ABHD10: variants seen among roughly 807,000 people sequenced by gnomAD.
ABHD10 encodes abhydrolase domain containing 10, depalmitoylase.
In ABHD10, 22 loss-of-function variants were observed where a neutral mutation model predicts 33.1. That is an observed-to-expected ratio of 0.66 (90% CI 0.47 to 0.95). The LOEUF (loss-of-function observed/expected upper bound fraction) is 0.95. ABHD10 is among the 40% of genes least tolerant of loss of function. ABHD10 has a pLI of 0.00. For synonymous variants in ABHD10, 146 were observed against 133.9 expected (o/e 1.09, Z -0.62); for missense variants, 352 against 379.9 (o/e 0.93, Z 0.61).
At chr3:111,985,332 T>C (rs1331691032) in intron 2 of ABHD10, among the ~76,000 whole-genome samples, 1 of 152,104 alleles carries the variant, frequency 6.6e-6, no homozygotes. Flanking sequence ...AATTCATAGA[T>C]CAGACAGATA....
intron 4 of ABHD10, 80 bp downstream of exon 4, chr3:111,987,131 G>C (rs1288450957): frequency 6.6e-7 from 1 of 1,517,500 alleles, no homozygotes; most frequent in East Asian, 2.3e-5. Flanking sequence ...TGAGGGAAGG[G>C]GGGACAGAAA....
At position 111,982,391 on chromosome 3, in the gene ABHD10, T is replaced by C. The variant is rs530833423; in HGVS notation, c.326+424T>C. 8.0e-4 allele frequency: 122 copies of C among 152,932 alleles called. 2 individuals carry two copies. The Middle Eastern group carries it at 0.01, about 13-fold the overall frequency. 9.5% of individuals were successfully genotyped at this position (152,932 alleles called of 1,614,324 possible). ...ATGCAAATTTCTGCTGAGTTTTCTCTTCCCTCTCCTGTAATCTGAATATGT... is the reference window on the plus strand; with the variant it reads ...ATGCAAATTTCTGCTGAGTTTTCTCCTCCCTCTCCTGTAATCTGAATATGT... On this transcript the variant is annotated intron_variant, in intron 2 of 4. Coordinates refer to ENST00000273359, the MANE Select transcript of ABHD10 (RefSeq NM_018394.4).
In ABHD10 at chr3:111,991,744, T is replaced by A; in HGVS notation, c.*23T>A. The A allele has an allele frequency of 1.3e-6, 2 of 1,544,228 alleles. No homozygotes were observed. The highest frequency in any genetic ancestry group is 8.9e-7 in the Non-Finnish European group (1 of 1,125,162). On this transcript the variant is annotated 3_prime_UTR_variant, in exon 5 of 5. Coordinates refer to ENST00000273359, the MANE Select transcript of ABHD10 (RefSeq NM_018394.4). ...TAGTATCACATGTTTAGTTGGTATG[T>A]AAACTAATGTATCCAGAAGATTGGA...
At chr3:111,984,698 T>C (rs965933485) in intron 2 of ABHD10, among the ~76,000 whole-genome samples, 3 of 152,114 alleles carry the variant, frequency 2.0e-5, no homozygotes, top group African/African-American at 7.2e-5. Context: ...CAGGGAGCAC[T>C]GAAGGTAATG....
intron 1 of ABHD10, among the ~76,000 whole-genome samples, chr3:111,979,421 T>C (rs2107707723): frequency 6.6e-6 from 1 of 152,376 alleles, no homozygotes; most frequent in East Asian, 1.9e-4. Flanking sequence ...GGGCCCTCGC[T>C]GGCGTTTTAC....
intron 1 of ABHD10, 26 bp from the exon 2 acceptor site, chr3:111,981,758 G>A: frequency 6.7e-7 from 1 of 1,493,238 alleles, no homozygotes; most frequent in South Asian, 1.4e-5. Flanking sequence ...ACAAACCATA[G>A]TTTACTTTTT....
At chr3:111,987,176 C>T in intron 4 of ABHD10, 125 bp downstream of exon 4, 2 of 1,069,826 alleles carry the variant, frequency 1.9e-6, no homozygotes, top group East Asian at 5.4e-5. Context: ...GCTGGCCCAA[C>T]TTTTGTCTTA....
intron 2 of ABHD10, among the ~76,000 whole-genome samples, chr3:111,983,136 C>G (rs887185450): frequency 1.3e-5 from 2 of 152,060 alleles, no homozygotes; most frequent in African/African-American, 4.8e-5. Flanking sequence ...GGCAGAAATA[C>G]TCATCAGAAT....
intron 1 of ABHD10, 49 bp downstream of exon 1, chr3:111,979,252 G>A (rs1243157292): frequency 1.9e-6 from 3 of 1,550,870 alleles, no homozygotes; most frequent in African/African-American, 2.7e-5. Flanking sequence ...GAACGCCTCG[G>A]GTTCCGTCAG....
intron 2 of ABHD10, among the ~76,000 whole-genome samples, chr3:111,983,067 C>T (rs1316574718): frequency 2.0e-5 from 3 of 152,020 alleles, no homozygotes; most frequent in Non-Finnish European, 4.4e-5. Flanking sequence ...TTGTACTTGC[C>T]TATGAGGACC....
At chr3:111,980,051 C>T (rs9288933) in intron 1 of ABHD10, among the ~76,000 whole-genome samples, 31,521 of 152,138 alleles carry the variant, frequency 0.21, 3,373 homozygotes, top group Middle Eastern at 0.28. Context: ...CTAGTTAGCA[C>T]TTATTCATTG....
At chr3:111,990,290 A>T (rs1287223068) in intron 4 of ABHD10, among the ~76,000 whole-genome samples, 1 of 152,056 alleles carries the variant, frequency 6.6e-6, no homozygotes, top group East Asian at 1.9e-4. Context: ...TTTTAAACCC[A>T]GAAATATATG....
At position 111,979,182 on chromosome 3, in the gene ABHD10, C is replaced by T. The variant is rs754514020; in HGVS notation, c.121C>T (p.Arg41Trp). 6 of 1,605,742 alleles carry T rather than the reference C, an allele frequency of 3.7e-6. No individual in the cohort carries two copies. The African/African-American group carries it at 6.7e-5, about 18-fold the overall frequency. ...CGTGCTGCTTGCACGGATACCTCAG[C>T]GGGCGCCACGGTGGCTCCCAGGTCA... is the stretch of plus-strand genomic sequence containing the variant. The part of the protein sequence containing the change: ...LSVLLARIPQ[R>W]APRWLPACRQ... The change falls in exon 1 of 5, where the codon CGG (arginine) becomes TGG (tryptophan). Residue 41 changes from arginine to tryptophan, a missense_variant. Transcript: ENST00000273359.
intron 2 of ABHD10, among the ~76,000 whole-genome samples, chr3:111,983,907 G>A (rs1020589837): frequency 5.3e-5 from 8 of 152,152 alleles, no homozygotes; most frequent in East Asian, 1.9e-4. Flanking sequence ...GTTTTAAAGT[G>A]CTGAATATGT....
intron 4 of ABHD10, among the ~76,000 whole-genome samples, chr3:111,987,263 C>A (rs942492742): frequency 6.6e-6 from 1 of 152,190 alleles, no homozygotes; most frequent in Non-Finnish European, 1.5e-5. Flanking sequence ...TCTTCATAGT[C>A]TCTTCAAATC....
At chr3:111,989,429 A>G (rs1366876662) in intron 4 of ABHD10, among the ~76,000 whole-genome samples, 2 of 152,244 alleles carry the variant, frequency 1.3e-5, no homozygotes, top group Non-Finnish European at 2.9e-5. Context: ...CTTGAGACAT[A>G]CAACATTTTA....
At chr3:111,988,824 A>C (rs1348599732) in intron 4 of ABHD10, among the ~76,000 whole-genome samples, 1 of 152,120 alleles carries the variant, frequency 6.6e-6, no homozygotes, top group Non-Finnish European at 1.5e-5. Context: ...TCCTAGGCTC[A>C]AGAGATTCTC....
chr3:111,984,293 T>C (rs2072625021), intron 2 of ABHD10, among the ~76,000 whole-genome samples: 1 of 152,102 alleles, frequency 6.6e-6, no homozygotes, highest in African/African-American at 2.4e-5. Context: ...TAAAGAAAAA[T>C]TTAATTTCTT....
intron 2 of ABHD10, among the ~76,000 whole-genome samples, chr3:111,985,072 A>G (rs915809514): frequency 2.0e-5 from 3 of 152,238 alleles, no homozygotes; most frequent in African/African-American, 7.2e-5. Context: ...CTGGTACTAA[A>G]TGGGGCATAT....
Sources: allele counts gnomAD v4.1 joint callset (sites outside exome capture counted in the v4.1 genomes callset), GRCh38; gene constraint gnomAD v4.1.1; transcripts MANE v1.5; gene names NCBI Gene and HGNC (gene_info 2026-07-23, HGNC 2026-07-21).